MEIS1: variants seen among roughly 807,000 people sequenced by gnomAD.
The protein encoded by MEIS1 is Meis homeobox 1, also known as homeobox protein Meis1.
Under a neutral mutation model 50.8 loss-of-function variants are expected in MEIS1, and 5 were observed. That is an observed-to-expected ratio of 0.10 (90% CI 0.05 to 0.21). The LOEUF (loss-of-function observed/expected upper bound fraction) is 0.21, where lower values mean the gene tolerates loss of function less well. Among genes scored for constraint, MEIS1 ranks in the 10% least tolerant of loss-of-function variants. MEIS1 has a pLI of 1.00. For synonymous variants in MEIS1, 176 were observed against 179.3 expected (o/e 0.98, Z 0.15); for missense variants, 318 against 517.3 (o/e 0.61, Z 3.74).
intron 8 of MEIS1, among the ~76,000 whole-genome samples, chr2:66,545,889 G>A (rs532874664): frequency 6.6e-6 from 1 of 152,280 alleles, no homozygotes; most frequent in African/African-American, 2.4e-5. Context: ...GTAGTGTCAT[G>A]GATCTTAAAT....
intron 8 of MEIS1, among the ~76,000 whole-genome samples, chr2:66,522,712 G>A (rs1159831890): frequency 6.6e-6 from 1 of 152,192 alleles, no homozygotes; most frequent in Non-Finnish European, 1.5e-5. Flanking sequence ...GCTTCTGACT[G>A]TTGCCATGCA....
Position 66,445,918 on chromosome 2 carries a change from T to C in MEIS1, c.630+2870T>C, listed in dbSNP as rs1189884101. On this transcript the variant is annotated intron_variant, in intron 6 of 12. Coordinates refer to ENST00000272369, the MANE Select transcript of MEIS1 (RefSeq NM_002398.3). The stretch of plus-strand genomic sequence containing the variant: ...ATCCCGTTCCTTCCCCCACTCCCAG[T>C]CTTCCGGGCCGCCTGGAGGTCCCTG... Among the ~76,000 whole-genome samples, 3 of 152,174 alleles carry C rather than the reference T, an allele frequency of 2.0e-5. No homozygotes were observed. The East Asian group carries it at 5.8e-4, about 30-fold the overall frequency.
Position 66,455,151 on chromosome 2 carries a change from G to A in MEIS1, c.631-8958G>A, listed in dbSNP as rs1672359700. 2.0e-5 allele frequency among the ~76,000 whole-genome samples: 3 copies of A among 152,084 alleles called. No homozygotes were observed. In the South Asian group the frequency reaches 6.2e-4, roughly 32 times the overall value. ...TTTACTAAGAATTTTAGCATATTGA[G>A]GCTTTATCTTCTCTCTTCTTAAGAT... On this transcript the variant is annotated intron_variant, in intron 6 of 12. Coordinates refer to ENST00000272369, the MANE Select transcript of MEIS1 (RefSeq NM_002398.3).
intron 8 of MEIS1, among the ~76,000 whole-genome samples, chr2:66,546,815 C>T (rs1674801849): frequency 6.6e-6 from 1 of 152,236 alleles, no homozygotes; most frequent in South Asian, 2.1e-4. Context: ...AGATATAGAG[C>T]ATATTTAAAC....
chr2:66,484,419 T>C (rs923607321), intron 7 of MEIS1, among the ~76,000 whole-genome samples: 7 of 152,340 alleles, frequency 4.6e-5, no homozygotes, highest in African/African-American at 1.7e-4. Context: ...TCTCATGACA[T>C]AGCAAAGTGC....
intron 6 of MEIS1, among the ~76,000 whole-genome samples, chr2:66,444,871 T>C (rs989871699): frequency 2.6e-5 from 4 of 152,190 alleles, no homozygotes; most frequent in Non-Finnish European, 5.9e-5. Flanking sequence ...CTTAGGGGCA[T>C]GAATGAAATC....
intron 7 of MEIS1, among the ~76,000 whole-genome samples, chr2:66,489,274 C>G (rs1057362364): frequency 6.6e-6 from 1 of 152,156 alleles, no homozygotes; most frequent in African/African-American, 2.4e-5. Flanking sequence ...GAAAAATACG[C>G]CTTAGTTGTC....
intron 9 of MEIS1, among the ~76,000 whole-genome samples, chr2:66,557,073 AT>A (rs1186109777): frequency 6.6e-6 from 1 of 152,196 alleles, no homozygotes; most frequent in Non-Finnish European, 1.5e-5. Context: ...GGAATATAAG[AT>A]TTTTGATGTG....
At position 66,462,253 on chromosome 2, in the gene MEIS1, G is replaced by T. The variant is rs1046787257; in HGVS notation, c.631-1856G>T. 2.0e-5 allele frequency among the ~76,000 whole-genome samples: 3 copies of T among 152,010 alleles called. No homozygotes were observed. In the East Asian group the frequency reaches 5.8e-4, roughly 29 times the overall value. Reference sequence around the variant, plus strand: ...TGGCTCTGTATTTTAGCTTGTTATCGCTAGCTTTTCTATTAATTACCAGTC... The same window carrying T: ...TGGCTCTGTATTTTAGCTTGTTATCTCTAGCTTTTCTATTAATTACCAGTC... On this transcript the variant is annotated intron_variant, in intron 6 of 12. Transcript: ENST00000272369.
At chr2:66,464,243 T>A in intron 7 of MEIS1, 23 bp downstream of exon 7, 4 of 1,515,200 alleles carry the variant, frequency 2.6e-6, no homozygotes, top group Non-Finnish European at 3.6e-6. Flanking sequence ...TTATTCTCTT[T>A]TGCTACTTGT....
intron 6 of MEIS1, among the ~76,000 whole-genome samples, chr2:66,460,453 A>G (rs938388269): frequency 2.0e-5 from 3 of 152,234 alleles, no homozygotes; most frequent in Non-Finnish European, 4.4e-5. Context: ...CTAGCTGTCA[A>G]AGAGAGAAGA....
intron 7 of MEIS1, chr2:66,509,247 G>C (rs369148348): frequency 2.9e-6 from 1 of 339,282 alleles, no homozygotes; most frequent in Non-Finnish European, 6.0e-6. Flanking sequence ...TTTTAGAATA[G>C]TCTGTTTTAT....
intron 7 of MEIS1, among the ~76,000 whole-genome samples, chr2:66,483,529 T>G (rs1572844693): frequency 6.6e-6 from 1 of 152,316 alleles, no homozygotes; most frequent in East Asian, 1.9e-4. Context: ...CCATCAAGAT[T>G]TTCACTCTTA....
At chr2:66,511,829 TTACACTTAACCTGTCTC>T (rs141080858) in intron 7 of MEIS1, among the ~76,000 whole-genome samples, 7,467 of 152,126 alleles carry the variant, frequency 0.049, 273 homozygotes, top group East Asian at 0.14. Context: ...CCGGTAGGAG[TTACACTTAACCTGTCTC>T]AGCTATACAT....
Position 66,537,073 on chromosome 2 carries a change from G to A in MEIS1, c.889-10870G>A, listed in dbSNP as rs537838714. Among the ~76,000 whole-genome samples, 189 of 152,298 alleles carry A rather than the reference G, an allele frequency of 1.2e-3. 1 individual carries two copies. Among genetic ancestry groups the A allele is most frequent in the African/African-American group, 4.1e-3 (169 of 41,570 alleles). On this transcript the variant is annotated intron_variant, in intron 8 of 12. Coordinates refer to ENST00000272369, the MANE Select transcript of MEIS1 (RefSeq NM_002398.3). ...CAGGAATGTTCACATACTTGGCTGAGGGTGCTGCTTGAGAGTGTCTGTTAG... is the reference window on the plus strand; with the variant it reads ...CAGGAATGTTCACATACTTGGCTGAAGGTGCTGCTTGAGAGTGTCTGTTAG...
chr2:66,447,282 T>C (rs969766676), intron 6 of MEIS1, among the ~76,000 whole-genome samples: 1 of 152,242 alleles, frequency 6.6e-6, no homozygotes, highest in Non-Finnish European at 1.5e-5. Flanking sequence ...TCCATTTGTA[T>C]ACATCTTATT....
chr2:66,554,197 G>A (rs1674995110), intron 9 of MEIS1, among the ~76,000 whole-genome samples: 1 of 152,228 alleles, frequency 6.6e-6, no homozygotes, highest in South Asian at 2.1e-4. Flanking sequence ...CAATGTTTCT[G>A]AATATCCATG....
intron 9 of MEIS1, among the ~76,000 whole-genome samples, chr2:66,552,455 A>T (rs1033886821): frequency 6.6e-6 from 1 of 152,210 alleles, no homozygotes; most frequent in African/African-American, 2.4e-5. Context: ...ATTATTCTCC[A>T]TCAAGAGAGC....
intron 8 of MEIS1, among the ~76,000 whole-genome samples, chr2:66,543,862 C>G (rs559207900): frequency 2.0e-4 from 31 of 152,172 alleles, no homozygotes; most frequent in African/African-American, 7.2e-4. Flanking sequence ...ACAACAAAGG[C>G]GAGGTCTCCC....
Sources: gnomAD v4.1 joint callset for allele counts (sites outside exome capture counted in the v4.1 genomes callset) on GRCh38, gnomAD v4.1.1 for gene constraint, MANE v1.5 for transcripts, NCBI Gene and HGNC (gene_info 2026-07-23, HGNC 2026-07-21) for gene names.